The following PTPRN2 variants were observed in gnomAD, a reference collection of about 807,000 sequenced individuals.
PTPRN2 encodes the protein protein tyrosine phosphatase receptor type N2, also known as receptor-type tyrosine-protein phosphatase N2.
In PTPRN2, 74 loss-of-function variants were observed where a neutral mutation model predicts 118.8. That is an observed-to-expected ratio of 0.62 (90% CI 0.52 to 0.76). The LOEUF (loss-of-function observed/expected upper bound fraction) is 0.76. Ranked by LOEUF, PTPRN2 falls within the 30% of genes least tolerant of loss-of-function variation. The pLI is 0.00. For synonymous variants in PTPRN2, 641 were observed against 608.0 expected (o/e 1.05, Z -0.80); for missense variants, 1,481 against 1,394.4 (o/e 1.06, Z -0.99).
intron 12 of PTPRN2, among the ~76,000 whole-genome samples, chr7:157,685,200 G>A (rs1431727773): frequency 6.6e-6 from 1 of 151,624 alleles, no homozygotes; most frequent in East Asian, 1.9e-4. Context: ...CCCTCATCCC[G>A]GCCGGGCCGA....
At chr7:158,266,702 C>G (rs563745505) in intron 3 of PTPRN2, among the ~76,000 whole-genome samples, 1 of 152,312 alleles carries the variant, frequency 6.6e-6, no homozygotes, top group East Asian at 1.9e-4. Flanking sequence ...AGAGCCACTT[C>G]CCGGCTTTAA....
At chr7:157,788,712 T>G (rs181196741) in intron 12 of PTPRN2, among the ~76,000 whole-genome samples, 1 of 152,046 alleles carries the variant, frequency 6.6e-6, no homozygotes, top group East Asian at 1.9e-4. Context: ...CCAACTGCCA[T>G]GCAGGAGGCC....
intron 1 of PTPRN2, among the ~76,000 whole-genome samples, chr7:158,536,680 G>C (rs902536973): frequency 3.9e-5 from 6 of 151,928 alleles, no homozygotes; most frequent in East Asian, 3.9e-4. Context: ...CAAGACTCAG[G>C]AAGACACAAG....
At chr7:158,002,670 T>C (rs1805354830) in intron 11 of PTPRN2, among the ~76,000 whole-genome samples, 1 of 152,156 alleles carries the variant, frequency 6.6e-6, no homozygotes, top group Non-Finnish European at 1.5e-5. Context: ...CTGGGAAATG[T>C]CCAGGAATCC....
intron 8 of PTPRN2, among the ~76,000 whole-genome samples, chr7:158,134,592 G>T (rs1244104396): frequency 6.6e-6 from 1 of 152,132 alleles, no homozygotes; most frequent in Non-Finnish European, 1.5e-5. Context: ...GTTCACAGAA[G>T]GGGAGACGGA....
At chr7:158,008,665 T>A (rs891810820) in intron 11 of PTPRN2, among the ~76,000 whole-genome samples, 9 of 152,232 alleles carry the variant, frequency 5.9e-5, no homozygotes, top group African/African-American at 1.9e-4. Context: ...CGTGTCTCCA[T>A]GGGGCCTTAA....
rs1207549190 is a variant in PTPRN2, at chr7:157,598,168, G to A, written c.2419-2853C>T. ...CAATGAGGGCATCTGCGTGACAACC[G>A]GACATGGTGGGTGTGTGTCCCTCTG... On this transcript the variant is annotated intron_variant, in intron 16 of 22. Coordinates refer to ENST00000389418, the MANE Select transcript of PTPRN2 (RefSeq NM_002847.5). The surrounding 1 kb of genome is among the most constrained non-coding windows in gnomAD (Gnocchi z 5.2). Among the ~76,000 whole-genome samples the A allele has an allele frequency of 2.0e-5, 3 of 152,198 alleles. No homozygotes were observed. The highest frequency in any genetic ancestry group is 4.8e-5 in the African/African-American group (2 of 41,428).
At chr7:157,575,151 G>A (rs531649322) in intron 19 of PTPRN2, among the ~76,000 whole-genome samples, 3 of 152,286 alleles carry the variant, frequency 2.0e-5, no homozygotes, top group South Asian at 2.1e-4. Flanking sequence ...ATGCATATAC[G>A]TGCAAACACA....
At position 158,587,760 on chromosome 7, in the gene PTPRN2, C is replaced by T; in HGVS notation, c.-91G>A. The stretch of plus-strand genomic sequence containing the variant: ...CCGGGCCCAGGGAGGCGCGCGCCGC[C>T]GGCTCCTCCCGCCGCGCCTCTCGCG... On this transcript the variant is annotated 5_prime_UTR_variant, in exon 1 of 23. Coordinates refer to ENST00000389418, the MANE Select transcript of PTPRN2 (RefSeq NM_002847.5). The T allele has an allele frequency of 9.6e-7, 1 of 1,041,526 alleles. No individual in the cohort carries two copies. The highest frequency in any genetic ancestry group is 1.2e-6 in the Non-Finnish European group (1 of 867,918). The allele number at this position is 1,041,526 out of a possible 1,614,324, so 64.5% of individuals were successfully genotyped here.
chr7:158,390,665 C>G (rs1467727438), intron 2 of PTPRN2, among the ~76,000 whole-genome samples: 1 of 152,234 alleles, frequency 6.6e-6, no homozygotes, highest in African/African-American at 2.4e-5. Context: ...ACTGCCCGGC[C>G]AGGCTTGCCC....
At chr7:157,802,042 C>T (rs1026915800) in intron 12 of PTPRN2, among the ~76,000 whole-genome samples, 5 of 152,196 alleles carry the variant, frequency 3.3e-5, no homozygotes, top group African/African-American at 7.2e-5. Context: ...AAACCCGCCC[C>T]GGCGTCCCTC....
chr7:157,603,496 G>C lies in PTPRN2; in HGVS notation c.2418+506C>G, dbSNP rs893993756. On this transcript the variant is annotated intron_variant, in intron 16 of 22. Coordinates refer to ENST00000389418, the MANE Select transcript of PTPRN2 (RefSeq NM_002847.5). This position sits in a 1 kb window ranked among gnomAD's most constrained non-coding sequence, Gnocchi z 5.4. ...CACTGCACCTGCGTCTATCCCAGGGGGAGGAACAGCCAGCAAACGGTCTCT... is the reference window on the plus strand; with the variant it reads ...CACTGCACCTGCGTCTATCCCAGGGCGAGGAACAGCCAGCAAACGGTCTCT... Among the ~76,000 whole-genome samples, 4 of 152,226 alleles carry C rather than the reference G, an allele frequency of 2.6e-5. No homozygotes were observed. The highest frequency in any genetic ancestry group is 1.3e-4 in the Admixed American group (2 of 15,288).
At chr7:158,165,181 CG>C (rs371108567) in intron 6 of PTPRN2, among the ~76,000 whole-genome samples, 43 of 115,924 alleles carry the variant, frequency 3.7e-4, no homozygotes, top group Non-Finnish European at 6.5e-4. Context: ...CTAGTACCCA[CG>C]AAAGTGCAGG....
intron 12 of PTPRN2, among the ~76,000 whole-genome samples, chr7:157,823,623 C>A (rs545888460): frequency 6.6e-6 from 1 of 152,318 alleles, no homozygotes; most frequent in South Asian, 2.1e-4. Flanking sequence ...GTTTCTGAGG[C>A]CCCTGACATC....
intron 11 of PTPRN2, among the ~76,000 whole-genome samples, chr7:158,048,256 A>G (rs1809027107): frequency 6.6e-6 from 1 of 152,126 alleles, no homozygotes; most frequent in African/African-American, 2.4e-5. Context: ...GCTCTATAGC[A>G]TCAGAAACTC....
At chr7:158,070,519 CCTGGTGGTGGAGGTGCTCCTG>C (rs1811197578) in intron 11 of PTPRN2, among the ~76,000 whole-genome samples, 1 of 90,314 alleles carries the variant, frequency 1.1e-5, no homozygotes, top group Non-Finnish European at 2.0e-5. Flanking sequence ...TGGAGGTGCT[CCTGGTGGTGGAGGTGCTCCTG>C]GTGGTGGAGG....
chr7:158,581,021 G>A (rs115385587), intron 1 of PTPRN2, among the ~76,000 whole-genome samples: 131 of 152,284 alleles, frequency 8.6e-4, no homozygotes, highest in African/African-American at 3.1e-3. Flanking sequence ...AAATCTCCGT[G>A]GCCTGAGGTT....
At position 157,686,172 on chromosome 7, in the gene PTPRN2, C is replaced by T. The variant is rs1319470431; in HGVS notation, c.1789-3235G>A. Among the ~76,000 whole-genome samples, 5 of 152,284 alleles carry T rather than the reference C, an allele frequency of 3.3e-5. 1 individual carries two copies. Among genetic ancestry groups the T allele is most frequent in the Middle Eastern group, 6.8e-3 (2 of 294 alleles). ...ACAGAAGTCGCTGGATCCCAGGGCC[C>T]GGCTGGGAAACCCGCTTCCTACCCG... On this transcript the variant is annotated intron_variant, in intron 12 of 22. Coordinates refer to ENST00000389418, the MANE Select transcript of PTPRN2 (RefSeq NM_002847.5).
intron 2 of PTPRN2, among the ~76,000 whole-genome samples, chr7:158,330,036 A>ACCCGCAGACGTCACTCACACCCACAC (rs1563148280): frequency 2.8e-5 from 4 of 142,310 alleles, no homozygotes; most frequent in African/African-American, 1.0e-4. Context: ...AAGAGGTGAC[A>ACCCGCAGACGTCACTCACACCCACAC]TCTGCAGACG....
Sources: gnomAD v4.1 joint callset for allele counts (sites outside exome capture counted in the v4.1 genomes callset) on GRCh38, gnomAD v4.1.1 for gene constraint, Gnocchi (gnomAD v3.1) non-coding constraint, MANE v1.5 for transcripts, NCBI Gene and HGNC (gene_info 2026-07-23, HGNC 2026-07-21) for gene names.